The following NUP98 variants were observed in gnomAD, a reference collection of about 807,000 sequenced individuals.
NUP98 encodes nuclear pore complex protein Nup98-Nup96.
A neutral mutation model predicts 191.9 loss-of-function variants in NUP98; 26 were observed. The observed-to-expected ratio is 0.14, with a 90% CI of 0.10 to 0.19. The LOEUF (loss-of-function observed/expected upper bound fraction) is 0.19, where lower values mean the gene tolerates loss of function less well. Ranked by LOEUF, NUP98 falls within the 10% of genes least tolerant of loss-of-function variation. The pLI, the probability that NUP98 is intolerant of heterozygous loss-of-function variation, is 1.00. For missense variants in NUP98, 1,941 were observed against 2,178.8 expected (o/e 0.89, Z 2.17); for synonymous variants, 808 against 778.4 (o/e 1.04, Z -0.63).
intron 11 of NUP98, among the ~76,000 whole-genome samples, chr11:3,749,270 T>C (rs188682058): frequency 0.011 from 1,702 of 149,838 alleles, 39 homozygotes; most frequent in African/African-American, 0.038. Context: ...ATTGCACCAC[T>C]GCAGTCCGCA....
chr11:3,724,767 T>G (rs1256620258), intron 15 of NUP98, among the ~76,000 whole-genome samples: 1 of 55,062 alleles, frequency 1.8e-5, no homozygotes, highest in Non-Finnish European at 4.0e-5. Flanking sequence ...GGCGACAGAG[T>G]GAGACTCTGT....
chr11:3,724,972 C>T (rs146311738), intron 15 of NUP98, 131 bp downstream of exon 15: 43 of 510,972 alleles, frequency 8.4e-5, no homozygotes, highest in East Asian at 7.2e-4. Flanking sequence ...GATTTCTAGG[C>T]GCTCATAAGC....
chr11:3,725,357 T>A, intron 14 of NUP98, 138 bp from the exon 15 acceptor site: 1 of 556,316 alleles, frequency 1.8e-6, no homozygotes, highest in Non-Finnish European at 3.2e-6. Flanking sequence ...CTAACAAGTT[T>A]CATTTATAAA....
At chr11:3,735,865 T>C (rs556812794) in intron 12 of NUP98, among the ~76,000 whole-genome samples, 10 of 149,394 alleles carry the variant, frequency 6.7e-5, no homozygotes, top group African/African-American at 2.5e-4. Flanking sequence ...GTGTATGTAA[T>C]TGTCCAAAGG....
intron 31 of NUP98, among the ~76,000 whole-genome samples, chr11:3,677,504 G>C (rs12295219): frequency 0.094 from 14,089 of 149,280 alleles, 849 homozygotes; most frequent in Non-Finnish European, 0.14. Flanking sequence ...CAAAGTACTA[G>C]GATTACAGTC....
At chr11:3,744,461 G>A (rs780606554) in intron 12 of NUP98, 48 bp downstream of exon 12, 12 of 1,564,278 alleles carry the variant, frequency 7.7e-6, no homozygotes, top group Non-Finnish European at 9.5e-6. Context: ...AGGTCAGCAA[G>A]TATTAGCAAA....
chr11:3,693,202 T>C (rs2078374941), intron 27 of NUP98, 30 bp downstream of exon 27: 1 of 1,611,020 alleles, frequency 6.2e-7, no homozygotes, highest in Non-Finnish European at 8.5e-7. Context: ...CCCAGCAAGA[T>C]TTTTGCTTGG....
intron 25 of NUP98, chr11:3,697,115 A>G (rs920076593): frequency 1.3e-5 from 2 of 152,078 alleles, no homozygotes; most frequent in African/African-American, 4.8e-5. Context: ...AAGACCATAA[A>G]TAGTACCAGA....
chr11:3,773,711 T>C lies in NUP98; in HGVS notation c.524A>G (p.Lys175Arg), dbSNP rs1184946299. 1.2e-6 allele frequency: 2 copies of C among 1,613,480 alleles called. No individual in the cohort carries two copies. The highest frequency in any genetic ancestry group is 1.7e-6 in the Non-Finnish European group (2 of 1,179,642). The change falls in exon 6 of 33, where the codon AAA (lysine) becomes AGA (arginine). Residue 175 changes from lysine to arginine, a missense_variant. By Grantham distance (26) the Lys-to-Arg change is conservative (BLOSUM62 2). This residue lies in a region of NUP98 where 28 missense variants were observed against 74.0 expected (regional missense o/e 0.38). Transcript: ENST00000324932. ...ACTTATGTTAGTGCTAACTCCAGCTTTGACCATAGTATCTGTACCAGTTGG... is the reference window on the plus strand; with the variant it reads ...ACTTATGTTAGTGCTAACTCCAGCTCTGACCATAGTATCTGTACCAGTTGG... ...NPPTGTDTMVKAGVSTNISTK... is the reference protein window; with the variant it reads ...NPPTGTDTMVRAGVSTNISTK...
At chr11:3,717,545 T>C (rs1269409208) in intron 18 of NUP98, among the ~76,000 whole-genome samples, 2 of 152,246 alleles carry the variant, frequency 1.3e-5, no homozygotes, top group African/African-American at 4.8e-5. Context: ...CCTGTAACTT[T>C]GTTGAATTTG....
At chr11:3,785,430 CAG>C (rs1316880833) in intron 1 of NUP98, among the ~76,000 whole-genome samples, 1 of 152,134 alleles carries the variant, frequency 6.6e-6, no homozygotes, top group Non-Finnish European at 1.5e-5. Context: ...CTGACATAAT[CAG>C]AGAAAGAACA....
At chr11:3,796,132 T>C (rs891145345) in intron 1 of NUP98, among the ~76,000 whole-genome samples, 1 of 152,210 alleles carries the variant, frequency 6.6e-6, no homozygotes, top group Non-Finnish European at 1.5e-5. Context: ...TCACAGGGAA[T>C]GATCACTGCT....
intron 15 of NUP98, 129 bp downstream of exon 15, chr11:3,724,974 C>A: frequency 1.9e-6 from 1 of 522,932 alleles, no homozygotes; most frequent in Non-Finnish European, 3.4e-6. Context: ...TTTCTAGGCG[C>A]TCATAAGCTT....
intron 1 of NUP98, among the ~76,000 whole-genome samples, chr11:3,784,673 T>A (rs1192777918): frequency 3.3e-5 from 5 of 151,892 alleles, no homozygotes; most frequent in African/African-American, 1.2e-4. Flanking sequence ...AGAATCACTT[T>A]AGCCCAGGAG....
chr11:3,784,858 C>T (rs1036501414), intron 1 of NUP98, among the ~76,000 whole-genome samples: 8 of 152,244 alleles, frequency 5.3e-5, no homozygotes, highest in East Asian at 3.9e-4. Context: ...CACCCTTGGC[C>T]GGGCGCGGTG....
At chr11:3,790,384 T>A (rs542771889) in intron 1 of NUP98, among the ~76,000 whole-genome samples, 16 of 152,314 alleles carry the variant, frequency 1.1e-4, no homozygotes, top group Non-Finnish European at 2.1e-4. Context: ...ATGAAGCAGC[T>A]TAGGGCTCTA....
intron 18 of NUP98, among the ~76,000 whole-genome samples, chr11:3,717,702 G>A (rs1201367264): frequency 6.6e-6 from 1 of 152,182 alleles, no homozygotes; most frequent in Non-Finnish European, 1.5e-5. Flanking sequence ...ACTTGCAGTA[G>A]TATATTTGGG....
rs71041378 is a variant in NUP98 at position 3,709,981 on chromosome 11, TA to T, written c.2742+2582del. 7.1e-4 allele frequency among the ~76,000 whole-genome samples: 81 copies of T among 113,976 alleles called. No individual in the cohort carries two copies. The South Asian group carries it at 0.017, about 24-fold the overall frequency. 74.8% of individuals were successfully genotyped at this position (113,976 alleles called of 152,430 possible). A position where few individuals can be genotyped will look rare whatever the true frequency, so the allele number is the denominator to read the frequency against. ...TAAAACTTAAAGTACAATAATAATT[TA>T]AAAAAAAAAAGTTTACAAAAAAAAA... On this transcript the variant is annotated intron_variant, in intron 20 of 32. Coordinates refer to ENST00000324932, the MANE Select transcript of NUP98 (RefSeq NM_016320.5).
intron 29 of NUP98, among the ~76,000 whole-genome samples, chr11:3,684,859 TAGG>T (rs2134024284): frequency 6.9e-6 from 1 of 145,182 alleles, no homozygotes; most frequent in Admixed American, 6.8e-5. Context: ...AGCTTTACCC[TAGG>T]TCAAAGTGAG....
Sources: allele counts gnomAD v4.1 joint callset (sites outside exome capture counted in the v4.1 genomes callset), GRCh38; gene constraint gnomAD v4.1.1; regional missense constraint gnomAD v4.1.1; transcripts MANE v1.5; gene names NCBI Gene and HGNC (gene_info 2026-07-23, HGNC 2026-07-21).